The following GLIPR1L1 variants were observed in gnomAD, a reference collection of about 807,000 sequenced individuals.
The protein encoded by GLIPR1L1 is GLIPR1-like protein 1.
Under a neutral mutation model 29.9 loss-of-function variants are expected in GLIPR1L1, and 26 were observed. That is an observed-to-expected ratio of 0.87 (90% CI 0.64 to 1.21). The LOEUF (loss-of-function observed/expected upper bound fraction) is 1.21. Ranked by LOEUF, GLIPR1L1 falls within the 50% of genes most tolerant of loss-of-function variation. The pLI, the probability that GLIPR1L1 is intolerant of heterozygous loss-of-function variation, is 0.00. For synonymous variants in GLIPR1L1, 77 were observed against 97.5 expected (o/e 0.79, Z 1.24); for missense variants, 305 against 290.3 (o/e 1.05, Z -0.37).
At chr12:75,353,648 G>A (rs1450698119) in intron 3 of GLIPR1L1, among the ~76,000 whole-genome samples, 1 of 152,140 alleles carries the variant, frequency 6.6e-6, no homozygotes, top group Non-Finnish European at 1.5e-5. Flanking sequence ...ATTTTATGAG[G>A]CCAGCATCAT....
chr12:75,348,851 A>G (rs1470259880), intron 3 of GLIPR1L1, among the ~76,000 whole-genome samples: 4 of 152,328 alleles, frequency 2.6e-5, no homozygotes, highest in East Asian at 1.9e-4. Flanking sequence ...TGGCTATAAT[A>G]CAACAAAGGG....
At chr12:75,349,269 C>A (rs991147122) in intron 3 of GLIPR1L1, among the ~76,000 whole-genome samples, 2 of 152,110 alleles carry the variant, frequency 1.3e-5, no homozygotes. Context: ...CTGAAAGGAT[C>A]AAAATGTTCC....
intron 4 of GLIPR1L1, 200 bp from the exon 5 acceptor site, chr12:75,369,760 G>A (rs192599847): frequency 1.0e-6 from 1 of 984,748 alleles, no homozygotes; most frequent in African/African-American, 1.7e-5. Context: ...AGAAATATTT[G>A]TTGACATAAC....
Position 75,367,105 on chromosome 12 carries a change from G to A in GLIPR1L1, c.611-2855G>A, listed in dbSNP as rs934441663. On this transcript the variant is annotated intron_variant, in intron 4 of 5. Coordinates refer to ENST00000378695, the MANE Select transcript of GLIPR1L1 (RefSeq NM_001304964.2). ...ACTGAGATTAATTTGGGGAGAAAAC[G>A]TAATGGAGAAGACACTTTAGAATAC... 24 of 688,958 alleles carry A rather than the reference G, an allele frequency of 3.5e-5. No homozygotes were observed. In the East Asian group the frequency reaches 4.1e-4, roughly 12 times the overall value. The allele number at this position is 688,958 out of a possible 1,614,324, so 42.7% of individuals were successfully genotyped here. A position where few individuals can be genotyped will look rare whatever the true frequency, so the allele number is the denominator to read the frequency against.
At chr12:75,366,936 C>G (rs1359299177) in intron 4 of GLIPR1L1, 2 of 701,758 alleles carry the variant, frequency 2.8e-6, no homozygotes, top group Non-Finnish European at 5.2e-6. Flanking sequence ...CCAGACATTC[C>G]CACTCAGTCC....
chr12:75,366,790 C>A, intron 4 of GLIPR1L1: 1 of 687,630 alleles, frequency 1.5e-6, no homozygotes, highest in Non-Finnish European at 2.6e-6. Flanking sequence ...TTTCTCTCTT[C>A]AGAGGTCTAT....
chr12:75,368,824 G>A (rs527874687), intron 4 of GLIPR1L1, among the ~76,000 whole-genome samples: 3 of 151,768 alleles, frequency 2.0e-5, no homozygotes, highest in Non-Finnish European at 2.9e-5. Flanking sequence ...TTGTTCTAGT[G>A]TGAGTGTGTT....
chr12:75,347,451 G>A (rs1220895453), intron 2 of GLIPR1L1, among the ~76,000 whole-genome samples, 171 bp from the exon 3 acceptor site: 2 of 151,946 alleles, frequency 1.3e-5, no homozygotes, highest in Non-Finnish European at 2.9e-5. Flanking sequence ...AATCAGCCAT[G>A]ACAATATAAG....
intron 3 of GLIPR1L1, among the ~76,000 whole-genome samples, chr12:75,348,908 TC>T (rs2042626296): frequency 6.6e-6 from 1 of 151,954 alleles, no homozygotes; most frequent in South Asian, 2.1e-4. Flanking sequence ...GCCCTATAAT[TC>T]CCCCAGCTTC....
chr12:75,354,518 G>C (rs564060592), intron 3 of GLIPR1L1, among the ~76,000 whole-genome samples: 3 of 152,290 alleles, frequency 2.0e-5, no homozygotes, highest in Admixed American at 2.0e-4. Flanking sequence ...CATGTTCATG[G>C]ATAGTAAGAA....
intron 1 of GLIPR1L1, among the ~76,000 whole-genome samples, chr12:75,340,118 G>GTA (rs1370471228): frequency 6.7e-6 from 1 of 150,344 alleles, no homozygotes; most frequent in Non-Finnish European, 1.5e-5. Context: ...TCCATTATAT[G>GTA]TATATATTTT....
At chr12:75,358,620 G>A (rs1371776090) in intron 3 of GLIPR1L1, among the ~76,000 whole-genome samples, 1 of 150,044 alleles carries the variant, frequency 6.7e-6, no homozygotes, top group East Asian at 1.9e-4. Flanking sequence ...AAAATTGTAT[G>A]TAACATACCA....
At chr12:75,337,915 A>T (rs2139257537) in intron 1 of GLIPR1L1, among the ~76,000 whole-genome samples, 1 of 152,198 alleles carries the variant, frequency 6.6e-6, no homozygotes, top group East Asian at 1.9e-4. Context: ...TTTAACAGGG[A>T]TATTTAACCA....
At chr12:75,348,727 T>C (rs938648463) in intron 3 of GLIPR1L1, among the ~76,000 whole-genome samples, 4 of 152,132 alleles carry the variant, frequency 2.6e-5, no homozygotes, top group African/African-American at 9.7e-5. Context: ...CATACGAGAA[T>C]AGTGTTATGT....
chr12:75,348,871 C>G (rs1307454105), intron 3 of GLIPR1L1, among the ~76,000 whole-genome samples: 1 of 152,124 alleles, frequency 6.6e-6, no homozygotes, highest in African/African-American at 2.4e-5. Context: ...GCCGTGATCT[C>G]TGAAAAATAA....
intron 2 of GLIPR1L1, among the ~76,000 whole-genome samples, chr12:75,345,809 TA>T (rs1373214280): frequency 6.6e-6 from 1 of 152,128 alleles, no homozygotes; most frequent in Non-Finnish European, 1.5e-5. Context: ...TGCTGTAAAG[TA>T]AAAAAACAAA....
At chr12:75,364,103 T>C (rs950045586) in intron 4 of GLIPR1L1, among the ~76,000 whole-genome samples, 48 of 152,216 alleles carry the variant, frequency 3.2e-4, no homozygotes, top group Admixed American at 2.8e-3. Context: ...AGAGACTAGA[T>C]TGTAAATGTT....
intron 1 of GLIPR1L1, among the ~76,000 whole-genome samples, chr12:75,339,180 T>C (rs1565950454): frequency 6.6e-6 from 1 of 152,242 alleles, no homozygotes; most frequent in Non-Finnish European, 1.5e-5. Flanking sequence ...ATTGCCACAC[T>C]GTCCTCCACA....
Position 75,346,271 on chromosome 12 carries a change from C to T in GLIPR1L1, c.421-1351C>T, listed in dbSNP as rs910320322. On this transcript the variant is annotated intron_variant, in intron 2 of 5. Coordinates refer to ENST00000378695, the MANE Select transcript of GLIPR1L1 (RefSeq NM_001304964.2). ...TGTATTTTTGGTTAATTGTTTAAAA[C>T]ATTCAAAAGGAAAAATGCTCTTTTA... Among the ~76,000 whole-genome samples, 3 of 152,244 alleles carry T rather than the reference C, an allele frequency of 2.0e-5. No homozygotes were observed. In the South Asian group the frequency reaches 6.2e-4, roughly 32 times the overall value.
Sources: gnomAD v4.1 joint callset for allele counts (sites outside exome capture counted in the v4.1 genomes callset) on GRCh38, gnomAD v4.1.1 for gene constraint, MANE v1.5 for transcripts, NCBI Gene and HGNC (gene_info 2026-07-23, HGNC 2026-07-21) for gene names.